MAP3K7CL: variants seen among roughly 807,000 people sequenced by gnomAD.
MAP3K7CL encodes MAP3K7 C-terminal like.
Under a neutral mutation model 18.6 loss-of-function variants are expected in MAP3K7CL, and 16 were observed. The observed-to-expected ratio is 0.86, with a 90% confidence interval of 0.58 to 1.31. The LOEUF is 1.31. Ranked by LOEUF, MAP3K7CL falls within the 50% of genes most tolerant of loss-of-function variation. The probability of loss-of-function intolerance (pLI) is 0.00; values close to 1 mark genes in which losing one functional copy is unlikely to be tolerated. For synonymous variants in MAP3K7CL, 65 were observed against 66.8 expected, an observed-to-expected ratio of 0.97 and a Z score of 0.13; for missense variants, 163 against 174.4, an observed-to-expected ratio of 0.93 and a Z score of 0.37.
At chr21:29,119,662 CTTT>C (rs58443653) in intron 4 of MAP3K7CL, among the ~76,000 whole-genome samples, 2 of 135,116 alleles carry the variant, frequency 1.5e-5, no homozygotes, top group Non-Finnish European at 1.6e-5. Flanking sequence ...AATCCTAAAA[CTTT>C]TTTTTTTTTT....
At chr21:29,165,717 G>A (rs1393719184) in intron 4 of MAP3K7CL, among the ~76,000 whole-genome samples, 1 of 152,138 alleles carries the variant, frequency 6.6e-6, no homozygotes, top group African/African-American at 2.4e-5. Flanking sequence ...GATTACAGGT[G>A]TGTGCCACCA....
At chr21:29,109,479 C>T (rs972714279) in intron 4 of MAP3K7CL, 2 of 1,141,082 alleles carry the variant, frequency 1.8e-6, no homozygotes, top group East Asian at 9.6e-5. Context: ...TTCGGTTGTT[C>T]TCTTTGTTAA....
At chr21:29,164,548 G>T (rs2087636599) in intron 4 of MAP3K7CL, among the ~76,000 whole-genome samples, 2 of 152,212 alleles carry the variant, frequency 1.3e-5, no homozygotes, top group African/African-American at 2.4e-5. Context: ...GGTCTCCCTG[G>T]ATCAAGTTTG....
chr21:29,092,244 A>C, intron 3 of MAP3K7CL: 1 of 576,578 alleles, frequency 1.7e-6, no homozygotes, highest in Non-Finnish European at 3.0e-6. Flanking sequence ...ACTGGAATCC[A>C]GGATTCTGAG....
Position 29,143,662 on chromosome 21 carries a change from A to T in MAP3K7CL, c.71-5527A>T, listed in dbSNP as rs141705041. 2.7e-3 allele frequency among the ~76,000 whole-genome samples: 407 copies of T among 152,122 alleles called. 3 individuals carry two copies. The highest frequency in any genetic ancestry group is 3.2e-3 in the Non-Finnish European group (219 of 68,002). On this transcript the variant is annotated intron_variant, in intron 2 of 4. Coordinates refer to ENST00000399928, the MANE Select transcript of MAP3K7CL (RefSeq NM_001286620.2). The stretch of plus-strand genomic sequence containing the variant: ...GGTCTCGAACTCCCGACCTCAGGTG[A>T]TCCGCCCACCTCGGCCTCCCAAAGT...
chr21:29,082,617 C>A, upstream of MAP3K7CL, among the ~76,000 whole-genome samples: 1 of 152,076 alleles, frequency 6.6e-6, no homozygotes, highest in East Asian at 1.9e-4. Flanking sequence ...TGTGTAAGCA[C>A]CTTGTTAAAT....
At chr21:29,100,083 TAAAAA>T (rs397727880) in intron 4 of MAP3K7CL, among the ~76,000 whole-genome samples, 2 of 122,854 alleles carry the variant, frequency 1.6e-5, no homozygotes, top group Non-Finnish European at 3.3e-5. Flanking sequence ...ACTCCGTCTT[TAAAAA>T]AAAAAAAAAA....
chr21:29,125,480 A>G (rs1296261554), intron 4 of MAP3K7CL, among the ~76,000 whole-genome samples: 1 of 152,248 alleles, frequency 6.6e-6, no homozygotes, highest in Non-Finnish European at 1.5e-5. Context: ...AGGGTTGATC[A>G]TTCTGCTATC....
At chr21:29,142,259 G>T (rs1045296039) in intron 2 of MAP3K7CL, among the ~76,000 whole-genome samples, 3 of 152,072 alleles carry the variant, frequency 2.0e-5, no homozygotes, top group African/African-American at 4.8e-5. Context: ...TAGGTATGGG[G>T]TTTTGCCATG....
chr21:29,094,046 T>C (rs1398408497), intron 4 of MAP3K7CL, among the ~76,000 whole-genome samples: 1 of 152,252 alleles, frequency 6.6e-6, no homozygotes, highest in Non-Finnish European at 1.5e-5. Flanking sequence ...TTATATGTTA[T>C]GCTTTAGGCT....
intron 2 of MAP3K7CL, among the ~76,000 whole-genome samples, chr21:29,133,639 T>C (rs1368061416): frequency 1.3e-5 from 2 of 152,178 alleles, no homozygotes; most frequent in African/African-American, 2.4e-5. Context: ...TCATTTTTTT[T>C]CTCCTCCCTC....
At chr21:29,102,419 A>G (rs964786120) in intron 4 of MAP3K7CL, 2 of 152,166 alleles carry the variant, frequency 1.3e-5, no homozygotes, top group Middle Eastern at 3.4e-3. Flanking sequence ...TTTTTAAGAC[A>G]TAGATCACAC....
At chr21:29,088,077 G>A (rs1043598104) in intron 1 of MAP3K7CL, among the ~76,000 whole-genome samples, 1 of 152,180 alleles carries the variant, frequency 6.6e-6, no homozygotes. Context: ...GCATTAGATA[G>A]GGACCATATT....
At chr21:29,165,459 T>A (rs1234499556) in intron 4 of MAP3K7CL, among the ~76,000 whole-genome samples, 1 of 152,230 alleles carries the variant, frequency 6.6e-6, no homozygotes, top group African/African-American at 2.4e-5. Flanking sequence ...CTGTACACAA[T>A]GTATATTCTT....
chr21:29,125,632 G>C (rs1218715234), intron 4 of MAP3K7CL, among the ~76,000 whole-genome samples: 1 of 152,164 alleles, frequency 6.6e-6, no homozygotes, highest in Non-Finnish European at 1.5e-5. Flanking sequence ...AGAAGTTCCT[G>C]GGGGAGGTGG....
intron 4 of MAP3K7CL, among the ~76,000 whole-genome samples, chr21:29,100,441 G>C (rs2146528172): frequency 6.6e-6 from 1 of 152,278 alleles, no homozygotes; most frequent in South Asian, 2.1e-4. Context: ...CTTTCCCAAA[G>C]TCATACAGCT....
At chr21:29,157,296 G>A (rs754232249) in intron 3 of MAP3K7CL, among the ~76,000 whole-genome samples, 12 of 152,094 alleles carry the variant, frequency 7.9e-5, no homozygotes, top group Non-Finnish European at 1.6e-4. Context: ...CTCTTCCTAT[G>A]GCAACAAATG....
At chr21:29,091,110 T>C (rs2086018933) in intron 1 of MAP3K7CL, among the ~76,000 whole-genome samples, 1 of 152,232 alleles carries the variant, frequency 6.6e-6, no homozygotes, top group African/African-American at 2.4e-5. Flanking sequence ...CATTTTAAGC[T>C]GTGAATAGCC....
intron 1 of MAP3K7CL, among the ~76,000 whole-genome samples, chr21:29,080,332 G>T (rs2085815213): frequency 6.6e-6 from 1 of 152,210 alleles, no homozygotes. Context: ...TTTCATGTGA[G>T]GATTGGAAGG....
Sources: allele counts gnomAD v4.1 joint callset (sites outside exome capture counted in the v4.1 genomes callset), GRCh38; gene constraint gnomAD v4.1.1; transcripts MANE v1.5; gene names NCBI Gene and HGNC (gene_info 2026-07-23, HGNC 2026-07-21).